DNASE2: variants seen among roughly 807,000 people sequenced by gnomAD.
DNASE2 encodes deoxyribonuclease-2-alpha.
Under a neutral mutation model 29.8 loss-of-function variants are expected in DNASE2, and 26 were observed. The ratio of observed to expected loss-of-function variants is 0.87; its 90% CI spans 0.64 to 1.21. The LOEUF (loss-of-function observed/expected upper bound fraction) is 1.21. DNASE2 is among the 50% of genes most tolerant of loss of function. DNASE2 has a pLI of 0.00. For synonymous variants in DNASE2, 186 were observed against 193.5 expected, an observed-to-expected ratio of 0.96 and a Z score of 0.32; for missense variants, 415 against 455.6, an observed-to-expected ratio of 0.91 and a Z score of 0.81.
intron 4 of DNASE2, 32 bp from the exon 5 acceptor site, chr19:12,878,611 T>G (rs1970344390): frequency 6.2e-7 from 1 of 1,613,770 alleles, no homozygotes; most frequent in Non-Finnish European, 8.5e-7. Flanking sequence ...AAATGCAAGA[T>G]CGTTCCAGGT....
At chr19:12,880,366 A>T (rs535138815) in intron 3 of DNASE2, among the ~76,000 whole-genome samples, 2 of 150,888 alleles carry the variant, frequency 1.3e-5, no homozygotes, top group East Asian at 3.9e-4. Context: ...ATGCATAGGA[A>T]CTCGGCTGGG....
chr19:12,879,509 A>G lies in DNASE2; in HGVS notation c.347-675T>C, dbSNP rs899512773. ...CAAAAAAAAAAAAAAAAAAAAGGCA[A>G]TTAGAGGGTATTGCTCCAGGCCTCC... is the stretch of plus-strand genomic sequence containing the variant. On this transcript the variant is annotated intron_variant, in intron 3 of 5. Coordinates refer to ENST00000222219, the MANE Select transcript of DNASE2 (RefSeq NM_001375.3). 2.0e-5 allele frequency among the ~76,000 whole-genome samples: 3 copies of G among 151,144 alleles called. No individual in the cohort carries two copies. The South Asian group carries it at 6.3e-4, about 32-fold the overall frequency.
rs748298388 is a variant in DNASE2, at chr19:12,881,128, A to G, written c.111T>C (p.Ala37=). 1.1e-5 allele frequency: 18 copies of G among 1,611,738 alleles called. No individual in the cohort carries two copies. Among genetic ancestry groups the G allele is most frequent in the Non-Finnish European group, 1.4e-5 (17 of 1,179,996 alleles). The change falls in exon 2 of 6, where the codon GCT becomes GCC. Residue 37 remains alanine (A), a synonymous_variant. Transcript: ENST00000222219. ...VDWFVVYKLP[A]LRGSGEAAQR... is the part of the protein sequence containing the mutation. ...GCGCCGCCTCCCCGGACCCTCTAAG[A>G]GCTGGCAGCTTGTAGACCACGAACC...
Position 12,876,220 on chromosome 19 carries a change from C to T in DNASE2, c.853G>A (p.Ala285Thr). ...TCTGTGCTGTTGAAGCTTGGGCCGG[C>T]TGGTCCAGGGAAAGCTATCTGGTTC... ...NVNQIAFPGP[A>T]GPSFNSTEDH... The change falls in exon 6 of 6, where the codon GCC (alanine) becomes ACC (threonine). Residue 285 changes from alanine (A) to threonine (T), a missense_variant. Transcript: ENST00000222219. The T allele has an allele frequency of 6.2e-7, 1 of 1,614,174 alleles. No individual in the cohort carries two copies. The highest frequency in any genetic ancestry group is 1.1e-5 in the South Asian group (1 of 91,084).
Position 12,876,102 on chromosome 19 carries a change from C to T in DNASE2, c.971G>A (p.Gly324Asp), listed in dbSNP as rs970565843. The T allele has an allele frequency of 1.2e-6, 2 of 1,613,942 alleles. No homozygotes were observed. Among genetic ancestry groups the T allele is most frequent in the Non-Finnish European group, 1.7e-6 (2 of 1,179,958 alleles). The stretch of plus-strand genomic sequence containing the variant: ...GGCTGGCAGCTGGGCACACAGTGTG[C>T]CCCCACCCCGTTGCTCCTCTCCCTG... ...RNQGEEQRGG[G>D]TLCAQLPALW... The change falls in exon 6 of 6, where the codon GGC becomes GAC. Residue 324 changes from glycine (G) to aspartate (D), a missense_variant. Transcript: ENST00000222219.
intron 3 of DNASE2, among the ~76,000 whole-genome samples, chr19:12,879,663 C>A (rs948685347): frequency 1.3e-5 from 2 of 152,058 alleles, no homozygotes; most frequent in African/African-American, 4.8e-5. Context: ...AGAATAACGC[C>A]AAGAGTAATG....
rs113410270 is a variant in DNASE2, at chr19:12,875,708, CT to C, written c.*281del. The C allele has an allele frequency of 6.0e-4, 179 of 299,940 alleles. No individual in the cohort carries two copies. The highest frequency in any genetic ancestry group is 1.5e-3 in the South Asian group (41 of 27,830). 18.6% of individuals were successfully genotyped at this position (299,940 alleles called of 1,614,324 possible). On this transcript the variant is annotated 3_prime_UTR_variant, in exon 6 of 6. Transcript: ENST00000222219. ...TGCACCCACCCGTCCCCCGCCCCCC[CT>C]TTTTTTTTGAAACAGAGTCTTGCTA... is the stretch of plus-strand genomic sequence containing the variant.
Position 12,876,368 on chromosome 19 carries a change from A to C in DNASE2, c.710-5T>G. The C allele has an allele frequency of 6.2e-7, 1 of 1,611,346 alleles. No individual in the cohort carries two copies. The highest frequency in any genetic ancestry group is 8.5e-7 in the Non-Finnish European group (1 of 1,179,972). On this transcript the variant is annotated splice_region_variant and splice_polypyrimidine_tract_variant and intron_variant, in intron 5 of 5. Coordinates refer to ENST00000222219, the MANE Select transcript of DNASE2 (RefSeq NM_001375.3). ...CCAACCAGCCGGAGTACAGGTCTGCAAAGGATGGAGAGAGGGCACAGGTAG... is the reference window on the plus strand; with the variant it reads ...CCAACCAGCCGGAGTACAGGTCTGCCAAGGATGGAGAGAGGGCACAGGTAG...
At chr19:12,878,039 G>A in intron 5 of DNASE2, 1 of 362,880 alleles carries the variant, frequency 2.8e-6, no homozygotes, top group Non-Finnish European at 5.4e-6. Context: ...TGTCTTGGAT[G>A]CCTGTCTTCA....
chr19:12,881,342 C>G lies in DNASE2; in HGVS notation c.34G>C (p.Val12Leu). The change falls in exon 1 of 6, where the codon GTC becomes CTC. Residue 12 changes from valine (V) to leucine (L), a missense_variant. Val to Leu is a conservative substitution (Grantham distance 32). Transcript: ENST00000222219. ...IPLLLAALLC[V>L]PAGALTCYGD... is the part of the protein sequence containing the mutation. ...TAGCAGGTCAGGGCCCCGGCGGGGACGCACAGCAGCGCTGCCAGCAGCAGC... is the reference window on the plus strand; with the variant it reads ...TAGCAGGTCAGGGCCCCGGCGGGGAGGCACAGCAGCGCTGCCAGCAGCAGC... The G allele has an allele frequency of 6.4e-7, 1 of 1,566,186 alleles. No homozygotes were observed. The highest frequency in any genetic ancestry group is 8.6e-7 in the Non-Finnish European group (1 of 1,156,560).
intron 5 of DNASE2, among the ~76,000 whole-genome samples, chr19:12,877,880 C>G (rs1048203779): frequency 6.6e-6 from 1 of 151,824 alleles, no homozygotes; most frequent in African/African-American, 2.4e-5. Context: ...GGGTCTTGCT[C>G]TGTCACCCAG....
chr19:12,878,275 C>G (rs552062974), intron 5 of DNASE2, 107 bp downstream of exon 5: 1 of 1,407,792 alleles, frequency 7.1e-7, no homozygotes, highest in Non-Finnish European at 1.0e-6. Flanking sequence ...GTGATTATAG[C>G]TCCCAAACAG....
chr19:12,875,834 C>T lies in DNASE2; in HGVS notation c.*156G>A. 1.2e-6 allele frequency: 1 copy of T among 858,874 alleles called. No individual in the cohort carries two copies. Among genetic ancestry groups the T allele is most frequent in the Non-Finnish European group, 1.8e-6 (1 of 569,738 alleles). 53.2% of individuals were successfully genotyped at this position (858,874 alleles called of 1,614,324 possible). On this transcript the variant is annotated 3_prime_UTR_variant, in exon 6 of 6. Transcript: ENST00000222219. ...TGGCTGGGACTACAGGCATTTATCA[C>T]CGTGCCTGGCTAACTTTTTTTAAGT...
chr19:12,881,021 C>T lies in DNASE2; in HGVS notation c.218G>A (p.Gly73Glu), dbSNP rs1970373839. Reference protein sequence around the residue: ...DGRALINSPEGAVGRSLQPLY... With the variant: ...DGRALINSPEEAVGRSLQPLY... ...CGGCTGCAGGCTTCGGCCCACGGCCCCCTCCGGGCTGTTGATGAGTGCCCT... is the reference window on the plus strand; with the variant it reads ...CGGCTGCAGGCTTCGGCCCACGGCCTCCTCCGGGCTGTTGATGAGTGCCCT... The change falls in exon 2 of 6, where the codon GGG (glycine) becomes GAG (glutamate). Residue 73 changes from glycine (G) to glutamate (E), a missense_variant. By Grantham distance (98) the Gly-to-Glu change is moderately conservative (BLOSUM62 -2). Transcript: ENST00000222219. 3 of 1,613,948 alleles carry T rather than the reference C, an allele frequency of 1.9e-6. No individual in the cohort carries two copies. Among genetic ancestry groups the T allele is most frequent in the East Asian group, 2.2e-5 (1 of 44,882 alleles).
intron 3 of DNASE2, among the ~76,000 whole-genome samples, chr19:12,880,332 G>A (rs1970365427): frequency 6.6e-6 from 1 of 151,408 alleles, no homozygotes; most frequent in South Asian, 2.1e-4. Flanking sequence ...CCCCACTATG[G>A]AGGTCAGGGG....
chr19:12,880,300 G>T (rs954208529), intron 3 of DNASE2, among the ~76,000 whole-genome samples: 3 of 151,578 alleles, frequency 2.0e-5, no homozygotes, highest in Admixed American at 6.6e-5. Flanking sequence ...GATGCCCAAG[G>T]TCTGACAGGG....
intron 3 of DNASE2, among the ~76,000 whole-genome samples, chr19:12,880,012 G>A (rs1375317754): frequency 6.8e-6 from 1 of 146,302 alleles, no homozygotes; most frequent in Non-Finnish European, 1.5e-5. Context: ...GGCTGAGGCA[G>A]AAGAATCGCT....
intron 3 of DNASE2, 70 bp downstream of exon 3, chr19:12,880,732 C>A: frequency 1.3e-6 from 2 of 1,594,842 alleles, no homozygotes; most frequent in Non-Finnish European, 1.7e-6. Context: ...CCGACCACCC[C>A]ATGCACGTCA....
chr19:12,881,154 T>C lies in DNASE2; in HGVS notation c.87-2A>G, dbSNP rs975975143. 2 of 1,611,538 alleles carry C rather than the reference T, an allele frequency of 1.2e-6. No individual in the cohort carries two copies. Among genetic ancestry groups the C allele is most frequent in the Non-Finnish European group, 1.7e-6 (2 of 1,179,982 alleles). On this transcript the variant is annotated splice_acceptor_variant, in intron 1 of 5. Coordinates refer to ENST00000222219, the MANE Select transcript of DNASE2 (RefSeq NM_001375.3). LOFTEE classifies it high-confidence loss of function. Reference sequence around the variant, plus strand: ...GCTGGCAGCTTGTAGACCACGAACCTGGAGGTCGGAGAATGCACAGAAATA... The same window carrying C: ...GCTGGCAGCTTGTAGACCACGAACCCGGAGGTCGGAGAATGCACAGAAATA...
Sources: gnomAD v4.1 joint callset for allele counts (sites outside exome capture counted in the v4.1 genomes callset) on GRCh38, gnomAD v4.1.1 for gene constraint, MANE v1.5 for transcripts, NCBI Gene and HGNC (gene_info 2026-07-23, HGNC 2026-07-21) for gene names.